Variants in PTPRD observed in about 807,000 individuals in gnomAD.
PTPRD encodes receptor-type tyrosine-protein phosphatase delta.
A neutral mutation model predicts 214.5 loss-of-function variants in PTPRD; 34 were observed. The observed-to-expected ratio is 0.16, with a 90% CI of 0.12 to 0.21. The LOEUF (loss-of-function observed/expected upper bound fraction) is 0.21, where lower values mean the gene tolerates loss of function less well. Among genes scored for constraint, PTPRD ranks in the 10% least tolerant of loss-of-function variants. The pLI is 1.00. For missense variants in PTPRD, 2,545 were observed against 2,398.7 expected, an observed-to-expected ratio of 1.06 and a Z score of -1.27; for synonymous variants, 1,128 against 845.7, an observed-to-expected ratio of 1.33 and a Z score of -5.79.
chr9:9,118,182 G>A (rs1292007728), intron 10 of PTPRD, among the ~76,000 whole-genome samples: 1 of 152,152 alleles, frequency 6.6e-6, no homozygotes, highest in Non-Finnish European at 1.5e-5. Context: ...TTTGAAAGAT[G>A]CATAACACTA....
chr9:10,258,326 A>C lies in PTPRD; in HGVS notation c.-545+82637T>G, dbSNP rs144672742. On this transcript the variant is annotated intron_variant, in intron 3 of 45. Coordinates refer to ENST00000381196, the MANE Select transcript of PTPRD (RefSeq NM_002839.4). ...AGCTGAGGGCTTTTGGGAGGGTGAAAAATGTTGCATTAATGTGGTCTCACC... is the reference window on the plus strand; with the variant it reads ...AGCTGAGGGCTTTTGGGAGGGTGAACAATGTTGCATTAATGTGGTCTCACC... Among the ~76,000 whole-genome samples the C allele has an allele frequency of 3.9e-3, 598 of 152,124 alleles. 7 individuals are homozygous for C. The highest frequency in any genetic ancestry group is 0.013 in the African/African-American group (545 of 41,486).
chr9:9,046,060 T>A (rs2099671352), intron 10 of PTPRD, among the ~76,000 whole-genome samples: 1 of 152,178 alleles, frequency 6.6e-6, no homozygotes, highest in Non-Finnish European at 1.5e-5. Context: ...GATATAATTA[T>A]CTTAACATAA....
intron 4 of PTPRD, among the ~76,000 whole-genome samples, chr9:9,979,296 A>C (rs1051631423): frequency 1.3e-5 from 2 of 152,082 alleles, no homozygotes; most frequent in African/African-American, 4.8e-5. Flanking sequence ...TTTTAAAATA[A>C]AATTTCAGGT....
intron 5 of PTPRD, among the ~76,000 whole-genome samples, chr9:9,823,974 G>T (rs193132929): frequency 1.3e-5 from 2 of 151,846 alleles, no homozygotes; most frequent in East Asian, 1.9e-4. Flanking sequence ...AATATCACAT[G>T]TACCCCATAA....
intron 2 of PTPRD, among the ~76,000 whole-genome samples, chr9:10,513,310 T>C (rs2048920119): frequency 6.6e-6 from 1 of 152,126 alleles, no homozygotes; most frequent in African/African-American, 2.4e-5. Flanking sequence ...TGAATGACTA[T>C]AAGTGCAACA....
intron 12 of PTPRD, among the ~76,000 whole-genome samples, chr9:8,690,027 A>C (rs2097770118): frequency 6.6e-6 from 1 of 150,906 alleles, no homozygotes; most frequent in Admixed American, 6.6e-5. Flanking sequence ...AGAATTGCTT[A>C]AGCCCAGGAG....
intron 2 of PTPRD, among the ~76,000 whole-genome samples, chr9:10,479,652 A>AATAAATACAAAAATAC (rs66767934): frequency 8.1e-6 from 1 of 124,096 alleles, no homozygotes; most frequent in East Asian, 2.0e-4. Flanking sequence ...TAAATAAATA[A>AATAAATACAAAAATAC]ATAAATAAAC....
At chr9:8,324,237 C>T (rs1008957497) in intron 44 of PTPRD, among the ~76,000 whole-genome samples, 2 of 152,056 alleles carry the variant, frequency 1.3e-5, no homozygotes, top group Admixed American at 6.6e-5. Flanking sequence ...TCTCCTGATG[C>T]TATCCCTCCC....
chr9:10,313,872 G>A (rs1424277136), intron 3 of PTPRD, among the ~76,000 whole-genome samples: 3 of 151,858 alleles, frequency 2.0e-5, no homozygotes, highest in African/African-American at 4.8e-5. Context: ...ATTACGATAG[G>A]TGCCATAGAG....
intron 9 of PTPRD, among the ~76,000 whole-genome samples, chr9:9,392,485 C>T (rs187583963): frequency 1.4e-4 from 22 of 152,134 alleles, no homozygotes; most frequent in Admixed American, 1.4e-3. Flanking sequence ...AAAATTACCA[C>T]GGTCCTTCTG....
chr9:10,248,672 G>C (rs868678330), intron 3 of PTPRD, among the ~76,000 whole-genome samples: 36 of 152,218 alleles, frequency 2.4e-4, no homozygotes, highest in Middle Eastern at 6.8e-3. Flanking sequence ...TCCATCATGA[G>C]GTTGCTTGAG....
intron 8 of PTPRD, among the ~76,000 whole-genome samples, chr9:9,466,013 A>G (rs147239816): frequency 2.0e-5 from 3 of 152,316 alleles, no homozygotes; most frequent in East Asian, 3.9e-4. Context: ...TCACACTACA[A>G]TATAAAATCT....
chr9:10,250,418 G>T (rs144520778), intron 3 of PTPRD, among the ~76,000 whole-genome samples: 1 of 151,924 alleles, frequency 6.6e-6, no homozygotes, highest in East Asian at 1.9e-4. Context: ...ACCAAATTTC[G>T]CAATGTCAGA....
intron 3 of PTPRD, among the ~76,000 whole-genome samples, chr9:10,330,067 CT>C (rs905768317): frequency 3.3e-5 from 5 of 151,560 alleles, no homozygotes; most frequent in African/African-American, 9.7e-5. Context: ...GAAAATTGTG[CT>C]TTTTTTATTT....
At chr9:9,403,796 T>C (rs1414925933) in intron 8 of PTPRD, among the ~76,000 whole-genome samples, 1 of 152,138 alleles carries the variant, frequency 6.6e-6, no homozygotes, top group Non-Finnish European at 1.5e-5. Flanking sequence ...TGTGGACATG[T>C]TTCCTACTTA....
chr9:10,259,897 C>A (rs1229952814), intron 3 of PTPRD, among the ~76,000 whole-genome samples: 2 of 152,128 alleles, frequency 1.3e-5, no homozygotes, highest in Non-Finnish European at 2.9e-5. Context: ...CTCCCTCTGT[C>A]ATACTGACCC....
At chr9:9,801,623 C>A (rs2099040802) in intron 5 of PTPRD, among the ~76,000 whole-genome samples, 1 of 152,020 alleles carries the variant, frequency 6.6e-6, no homozygotes, top group South Asian at 2.1e-4. Context: ...GTTTTACCTG[C>A]AATTCTGAAA....
chr9:10,162,839 AT>A (rs1052494264), intron 3 of PTPRD, among the ~76,000 whole-genome samples: 1 of 149,874 alleles, frequency 6.7e-6, no homozygotes, highest in Non-Finnish European at 1.5e-5. Context: ...ACACACAAAC[AT>A]TTTTTGGTTT....
chr9:8,623,076 A>G (rs556687705), intron 14 of PTPRD, among the ~76,000 whole-genome samples: 1 of 152,060 alleles, frequency 6.6e-6, no homozygotes, highest in South Asian at 2.1e-4. Flanking sequence ...CCTTGAACAT[A>G]GGAGTGACAG....
Sources: gnomAD v4.1 joint callset for allele counts (sites outside exome capture counted in the v4.1 genomes callset) on GRCh38, gnomAD v4.1.1 for gene constraint, MANE v1.5 for transcripts, NCBI Gene and HGNC (gene_info 2026-07-23, HGNC 2026-07-21) for gene names.